Variants in SF3B1 observed in about 807,000 individuals in gnomAD.
SF3B1 encodes the protein splicing factor 3b subunit 1.
In SF3B1, 12 loss-of-function variants were observed where a neutral mutation model predicts 153.8. The observed-to-expected ratio is 0.08, with a 90% CI of 0.05 to 0.13. The LOEUF is 0.13. Ranked by LOEUF, SF3B1 falls within the 10% of genes least tolerant of loss-of-function variation. The probability of loss-of-function intolerance (pLI) is 1.00; values close to 1 mark genes in which losing one functional copy is unlikely to be tolerated. For missense variants in SF3B1, 513 were observed against 1,606.1 expected (o/e 0.32, Z 11.63); for synonymous variants, 498 against 525.2 (o/e 0.95, Z 0.71).
Position 197,400,922 on chromosome 2 carries a change from A to C in SF3B1, c.2511T>G (p.Thr837=), listed in dbSNP as rs746065254. Residue 837 remains threonine (T), a synonymous_variant, in exon 18 of 25, where the codon ACT becomes ACG. Coordinates refer to ENST00000335508, the MANE Select transcript of SF3B1 (RefSeq NM_012433.4). The surrounding 1 kb of genome is among the most constrained non-coding windows in gnomAD (Gnocchi z 5.0). ...RRNYRQLVDT[T]VELANKVGAA... is the part of the protein sequence containing the mutation. ...CACCTACTTTGTTTGCCAACTCCACAGTAGTATCAACTAACTAAAAAGAAC... is the reference window on the plus strand; with the variant it reads ...CACCTACTTTGTTTGCCAACTCCACCGTAGTATCAACTAACTAAAAAGAAC... The C allele has an allele frequency of 1.2e-6, 2 of 1,610,672 alleles. No homozygotes were observed. Among genetic ancestry groups the C allele is most frequent in the Non-Finnish European group, 1.7e-6 (2 of 1,177,748 alleles).
chr2:197,430,600 C>T (rs781431293), intron 1 of SF3B1, among the ~76,000 whole-genome samples: 2 of 152,098 alleles, frequency 1.3e-5, no homozygotes, highest in Non-Finnish European at 1.5e-5. Context: ...ATTACAGGCA[C>T]GCACCACCAA....
rs892286532 is a variant in SF3B1, at chr2:197,401,292, A to C, written c.2496+108T>G. The C allele has an allele frequency of 6.0e-5, 60 of 998,172 alleles. No homozygotes were observed. In the African/African-American group the frequency reaches 8.6e-4, roughly 14 times the overall value. 61.8% of individuals were successfully genotyped at this position (998,172 alleles called of 1,614,324 possible). A position where few individuals can be genotyped will look rare whatever the true frequency, so the allele number is the denominator to read the frequency against. On this transcript the variant is annotated intron_variant, in intron 17 of 24. Transcript: ENST00000335508. This position sits in a 1 kb window ranked among gnomAD's most constrained non-coding sequence, Gnocchi z 4.2. ...TCTCCTTTCATAATCAAGCACATAT[A>C]AACTGTGAGATAATCAAGGCAAAAA...
chr2:197,407,926 T>G, intron 9 of SF3B1, 72 bp downstream of exon 9: 1 of 1,414,958 alleles, frequency 7.1e-7, no homozygotes, highest in Non-Finnish European at 9.8e-7. Context: ...AATGCAAGCT[T>G]AATCAATTTT....
chr2:197,413,809 GTT>G (rs2085106741), intron 6 of SF3B1, among the ~76,000 whole-genome samples: 1 of 151,022 alleles, frequency 6.6e-6, no homozygotes. Flanking sequence ...TTCTTGTTTT[GTT>G]TTGTTTTTTT....
chr2:197,431,537 T>C (rs1381986173), intron 1 of SF3B1, among the ~76,000 whole-genome samples: 3 of 152,208 alleles, frequency 2.0e-5, no homozygotes, highest in Non-Finnish European at 4.4e-5. Flanking sequence ...TCACTGCTCA[T>C]TACATGTTAC....
chr2:197,417,734 G>A lies in SF3B1; in HGVS notation c.495+775C>T, dbSNP rs536467336. Among the ~76,000 whole-genome samples, 180 of 152,014 alleles carry A rather than the reference G, an allele frequency of 1.2e-3. 1 individual carries two copies. Among genetic ancestry groups the A allele is most frequent in the Middle Eastern group, 3.4e-3 (1 of 292 alleles). On this transcript the variant is annotated intron_variant, in intron 5 of 24. Coordinates refer to ENST00000335508, the MANE Select transcript of SF3B1 (RefSeq NM_012433.4). ...ATCGCACCACTGCACTTCAGCCTGG[G>A]CAACAAAGGAAGACTCCACTCAAAA...
At position 197,400,219 on chromosome 2, in the gene SF3B1, G is replaced by T. The variant is rs148221095; in HGVS notation, c.2901+33C>A. On this transcript the variant is annotated intron_variant, in intron 19 of 24. Transcript: ENST00000335508. The surrounding 1 kb of genome is among the most constrained non-coding windows in gnomAD (Gnocchi z 5.0). ...GTTACTATTTACATTAAACTATTTG[G>T]GGAAGAAGTAAGAATTTGATGCAAA... 6.2e-7 allele frequency: 1 copy of T among 1,610,780 alleles called. No homozygotes were observed. The highest frequency in any genetic ancestry group is 8.5e-7 in the Non-Finnish European group (1 of 1,177,432).
chr2:197,408,137 T>G lies in SF3B1; in HGVS notation c.1118-18A>C, dbSNP rs2085018832. On this transcript the variant is annotated intron_variant, in intron 8 of 24. Transcript: ENST00000335508. ...TATGTGACCTACCAAGAAAAGCAAA[T>G]TTTTATATAATCTATAGTACAAGAC... 1.9e-6 allele frequency: 3 copies of G among 1,598,620 alleles called. No individual in the cohort carries two copies. The highest frequency in any genetic ancestry group is 2.6e-6 in the Non-Finnish European group (3 of 1,166,958).
Position 197,427,759 on chromosome 2 carries a change from G to A in SF3B1, c.29-3785C>T, listed in dbSNP as rs144225319. On this transcript the variant is annotated intron_variant, in intron 1 of 24. Transcript: ENST00000335508. Reference sequence around the variant, plus strand: ...ATCTGGGCCGGGCATGGTGGCTCACGCCTGTAATCCCAGCACTTTGGGAGG... The same window carrying A: ...ATCTGGGCCGGGCATGGTGGCTCACACCTGTAATCCCAGCACTTTGGGAGG... Among the ~76,000 whole-genome samples the A allele has an allele frequency of 8.5e-4, 130 of 152,222 alleles. 5 individuals carry two copies. In the East Asian group the frequency reaches 0.022, roughly 26 times the overall value.
chr2:197,434,836 A>C, intron 1 of SF3B1, 136 bp downstream of exon 1: 3 of 881,598 alleles, frequency 3.4e-6, no homozygotes, highest in Non-Finnish European at 3.6e-6. Flanking sequence ...GCTGGCGCGG[A>C]GGAGACGACC....
In SF3B1 at chr2:197,391,837, T is replaced by G. The variant is rs2084813006; in HGVS notation, c.*466A>C. ...GAATTTTGACAAAGATGCCATCACT[T>G]TATATAGTTTTTATTCAGCTAACTA... On this transcript the variant is annotated 3_prime_UTR_variant, in exon 25 of 25. Coordinates refer to ENST00000335508, the MANE Select transcript of SF3B1 (RefSeq NM_012433.4). 6.2e-6 allele frequency: 1 copy of G among 161,390 alleles called. No individual in the cohort carries two copies. The highest frequency in any genetic ancestry group is 2.4e-5 in the African/African-American group (1 of 41,750). 10.0% of individuals were successfully genotyped at this position (161,390 alleles called of 1,614,324 possible). A position where few individuals can be genotyped will look rare whatever the true frequency, so the allele number is the denominator to read the frequency against.
chr2:197,406,419 C>T (rs767233217), intron 9 of SF3B1, among the ~76,000 whole-genome samples: 15 of 152,120 alleles, frequency 9.9e-5, no homozygotes, highest in Non-Finnish European at 1.8e-4. Context: ...TGCTAGTTAA[C>T]GTCTGCACCA....
At chr2:197,417,895 A>C (rs1173741490) in intron 5 of SF3B1, among the ~76,000 whole-genome samples, 1 of 151,990 alleles carries the variant, frequency 6.6e-6, no homozygotes, top group Non-Finnish European at 1.5e-5. Context: ...CTTTTCCCTA[A>C]CATACTGAGT....
chr2:197,393,692 C>CT, intron 23 of SF3B1, among the ~76,000 whole-genome samples: 1 of 151,932 alleles, frequency 6.6e-6, no homozygotes, highest in Non-Finnish European at 1.5e-5. Flanking sequence ...ACCTTGTGAT[C>CT]TGCCCGCCTC....
In SF3B1 at chr2:197,435,010, C is replaced by G; in HGVS notation, c.-11G>C. 3 of 1,614,274 alleles carry G rather than the reference C, an allele frequency of 1.9e-6. No homozygotes were observed. The highest frequency in any genetic ancestry group is 1.1e-5 in the South Asian group (1 of 91,088). On this transcript the variant is annotated 5_prime_UTR_variant, in exon 1 of 25. Coordinates refer to ENST00000335508, the MANE Select transcript of SF3B1 (RefSeq NM_012433.4). ...GGCGATCTTCGCCATTTTGTCCACTCGAACACACAGACGGAACTGGCGCTC... is the reference window on the plus strand; with the variant it reads ...GGCGATCTTCGCCATTTTGTCCACTGGAACACACAGACGGAACTGGCGCTC...
intron 1 of SF3B1, among the ~76,000 whole-genome samples, chr2:197,432,177 C>T (rs572590395): frequency 6.6e-6 from 1 of 152,266 alleles, no homozygotes; most frequent in South Asian, 2.1e-4. Context: ...AATAACAAAA[C>T]TATAACTATT....
chr2:197,417,575 T>TAAAAAAAAA (rs56204414), intron 5 of SF3B1, among the ~76,000 whole-genome samples: 4 of 99,812 alleles, frequency 4.0e-5, no homozygotes, highest in African/African-American at 7.9e-5. Flanking sequence ...CCACCTCTAC[T>TAAAAAAAAA]AAAAAAAAAA....
chr2:197,414,247 G>T (rs570995351), intron 6 of SF3B1, among the ~76,000 whole-genome samples: 1 of 152,286 alleles, frequency 6.6e-6, no homozygotes, highest in African/African-American at 2.4e-5. Flanking sequence ...AAATAAATAC[G>T]TCAAGCTGAA....
At position 197,405,361 on chromosome 2, in the gene SF3B1, G is replaced by A. The variant is rs369794291; in HGVS notation, c.1351C>T (p.Arg451Ter). ...MTGFHMQTED[R>*]TMKSVNDQPS... The stretch of plus-strand genomic sequence containing the variant: ...TGGTCATTAACACTTTTCATAGTTC[G>A]ATCTTCAGTTTGCATGTGGAAACCA... The change falls in exon 10 of 25, where the codon CGA becomes TGA. Residue 451 changes from arginine (R) to a stop codon, truncating the protein, a stop_gained. Transcript: ENST00000335508. LOFTEE classifies it high-confidence loss of function. The A allele has an allele frequency of 1.2e-6, 2 of 1,613,938 alleles. No individual in the cohort carries two copies. Among genetic ancestry groups the A allele is most frequent in the Admixed American group, 1.7e-5 (1 of 60,012 alleles).
Sources: gnomAD v4.1 joint callset for allele counts (sites outside exome capture counted in the v4.1 genomes callset) on GRCh38, gnomAD v4.1.1 for gene constraint, Gnocchi (gnomAD v3.1) non-coding constraint, MANE v1.5 for transcripts, NCBI Gene and HGNC (gene_info 2026-07-23, HGNC 2026-07-21) for gene names.